The following UNC80 variants were observed in gnomAD, a reference collection of about 807,000 sequenced individuals.
UNC80 encodes unc-80 subunit of NALCN channel complex.
UNC80 carries 164 observed loss-of-function variants against 384.6 expected under a neutral mutation model. The ratio of observed to expected loss-of-function variants is 0.43; its 90% confidence interval spans 0.38 to 0.49. UNC80 has a LOEUF of 0.49. UNC80 is among the 20% of genes least tolerant of loss of function. UNC80 has a pLI of 0.00. For synonymous variants in UNC80, 1,486 were observed against 1,527.8 expected, an observed-to-expected ratio of 0.97 and a Z score of 0.64; for missense variants, 3,330 against 4,143.0, an observed-to-expected ratio of 0.80 and a Z score of 5.39.
chr2:209,865,392 G>A (rs2083660326), intron 22 of UNC80, among the ~76,000 whole-genome samples: 1 of 152,108 alleles, frequency 6.6e-6, no homozygotes, highest in African/African-American at 2.4e-5. Flanking sequence ...CGCGAGGTCA[G>A]GAGATCGAGA....
At chr2:209,939,791 G>A in intron 43 of UNC80, 139 bp downstream of exon 43, 1 of 730,928 alleles carries the variant, frequency 1.4e-6, no homozygotes, top group Non-Finnish European at 2.1e-6. Context: ...ATGTATACAT[G>A]TGCCATGTTG....
At chr2:209,943,558 G>T in intron 45 of UNC80, 44 bp downstream of exon 45, 1 of 1,547,258 alleles carries the variant, frequency 6.5e-7, no homozygotes, top group Non-Finnish European at 8.7e-7. Context: ...CCAACAAAAT[G>T]AGAAAAGCAA....
chr2:209,818,613 G>T (rs375765222), intron 11 of UNC80, among the ~76,000 whole-genome samples: 1 of 152,086 alleles, frequency 6.6e-6, no homozygotes, highest in East Asian at 1.9e-4. Flanking sequence ...CATGTTTGTT[G>T]TTCCTTAATA....
intron 35 of UNC80, among the ~76,000 whole-genome samples, chr2:209,923,997 T>C (rs1219511206): frequency 1.3e-5 from 2 of 152,054 alleles, no homozygotes; most frequent in Non-Finnish European, 2.9e-5. Context: ...ATCTTTATCT[T>C]ATAATAACTT....
At chr2:209,870,122 TAA>T (rs781646711) in intron 22 of UNC80, among the ~76,000 whole-genome samples, 1 of 152,142 alleles carries the variant, frequency 6.6e-6, no homozygotes, top group Non-Finnish European at 1.5e-5. Context: ...TGGTCCACGT[TAA>T]GTTTCAACCT....
At chr2:209,898,472 T>TA (rs971343128) in intron 28 of UNC80, among the ~76,000 whole-genome samples, 2 of 152,134 alleles carry the variant, frequency 1.3e-5, no homozygotes, top group Admixed American at 6.6e-5. Flanking sequence ...ACAGATTTTT[T>TA]AAAAAAAATT....
At chr2:209,825,457 G>A (rs754608099) in intron 13 of UNC80, among the ~76,000 whole-genome samples, 19 of 152,152 alleles carry the variant, frequency 1.2e-4, no homozygotes, top group Non-Finnish European at 2.4e-4. Flanking sequence ...AATGTCAGAA[G>A]TTGCCATGAA....
rs2124984318 is a variant in UNC80 at position 209,945,885 on chromosome 2, A to G, written c.7228A>G (p.Ser2410Gly). Reference sequence around the variant, plus strand: ...AAACGAAGATCTGACATTTTCTATCAGTGAAGCCATTAAGCTCTGTGTCAC... The same window carrying G: ...AAACGAAGATCTGACATTTTCTATCGGTGAAGCCATTAAGCTCTGTGTCAC... ...YGNEDLTFSISEAIKLCVTVV... is the reference protein window; with the variant it reads ...YGNEDLTFSIGEAIKLCVTVV... The change falls in exon 47 of 65, where the codon AGT becomes GGT. Residue 2410 changes from serine to glycine, a missense_variant. Ser to Gly is a moderately conservative substitution (Grantham distance 56). This residue lies in a region of UNC80 where 1,049 missense variants were observed against 1,488.6 expected (regional missense o/e 0.70). Coordinates refer to ENST00000673920, the MANE Select transcript of UNC80 (RefSeq NM_001371986.1). 6.4e-7 allele frequency: 1 copy of G among 1,552,022 alleles called. No individual in the cohort carries two copies. The highest frequency in any genetic ancestry group is 2.4e-5 in the East Asian group (1 of 40,916).
chr2:209,774,051 C>A (rs1381053223), intron 2 of UNC80, among the ~76,000 whole-genome samples: 1 of 152,036 alleles, frequency 6.6e-6, no homozygotes, highest in Non-Finnish European at 1.5e-5. Flanking sequence ...TATATTATAA[C>A]CTAAAAATGG....
Position 209,815,467 on chromosome 2 carries a change from A to G in UNC80, c.1335+76A>G. ...AGTGGGACATGAGATGTTTCTGATG[A>G]TACTGCAGTATGGGGTGAGGTGGGA... On this transcript the variant is annotated intron_variant, in intron 9 of 64. Transcript: ENST00000673920. The G allele has an allele frequency of 3.4e-6, 5 of 1,455,274 alleles. No individual in the cohort carries two copies. In the South Asian group the frequency reaches 6.5e-5, roughly 19 times the overall value. 90.1% of individuals were successfully genotyped at this position (1,455,274 alleles called of 1,614,324 possible).
At chr2:209,956,078 C>T (rs2092405215) in intron 48 of UNC80, among the ~76,000 whole-genome samples, 1 of 151,972 alleles carries the variant, frequency 6.6e-6, no homozygotes, top group African/African-American at 2.4e-5. Context: ...TTAAAGCTTT[C>T]CTCATTTCTA....
chr2:209,898,792 A>G (rs1463649238), intron 28 of UNC80, among the ~76,000 whole-genome samples: 1 of 152,102 alleles, frequency 6.6e-6, no homozygotes, highest in African/African-American at 2.4e-5. Context: ...TCTGGTAACC[A>G]TCTTTCTAAC....
In UNC80 at chr2:209,819,023, C is replaced by T; in HGVS notation, c.1724C>T (p.Ala575Val). Reference sequence around the variant, plus strand: ...TCTCAGATCTCCACCATCACAGTTGCGACCTTCAATACCACTTTGGCGTCA... The same window carrying T: ...TCTCAGATCTCCACCATCACAGTTGTGACCTTCAATACCACTTTGGCGTCA... ...VRSQISTITV[A>V]TFNTTLASFN... The change falls in exon 12 of 65, where the codon GCG becomes GTG. Residue 575 changes from alanine (A) to valine (V), a missense_variant. Transcript: ENST00000673920. 6.4e-7 allele frequency: 1 copy of T among 1,551,660 alleles called. No homozygotes were observed. The highest frequency in any genetic ancestry group is 8.7e-7 in the Non-Finnish European group (1 of 1,146,990).
At chr2:209,804,259 C>T (rs968063281) in intron 7 of UNC80, among the ~76,000 whole-genome samples, 5 of 152,126 alleles carry the variant, frequency 3.3e-5, no homozygotes, top group African/African-American at 1.2e-4. Flanking sequence ...GAGAGGCACT[C>T]GTCCTTATTA....
intron 49 of UNC80, among the ~76,000 whole-genome samples, chr2:209,958,282 T>C (rs2092477631): frequency 6.6e-6 from 1 of 152,200 alleles, no homozygotes; most frequent in Non-Finnish European, 1.5e-5. Context: ...GTGTTAGCTT[T>C]AAATATTCCG....
At chr2:209,964,388 T>G (rs1186616285) in intron 51 of UNC80, among the ~76,000 whole-genome samples, 2 of 152,200 alleles carry the variant, frequency 1.3e-5, no homozygotes, top group African/African-American at 2.4e-5. Flanking sequence ...GCCCTGGATT[T>G]AACTTCCAAT....
At chr2:209,809,241 A>C in intron 7 of UNC80, 1 of 706,802 alleles carries the variant, frequency 1.4e-6, no homozygotes, top group East Asian at 2.6e-5. Flanking sequence ...AGTTTCAAAA[A>C]GCCTTCAACT....
Position 209,929,887 on chromosome 2 carries a change from AC to A in UNC80, c.5824del (p.Gln1942LysfsTer7). The stretch of plus-strand genomic sequence containing the variant: ...CTTCTGAAGTGAGTGCTGTGGCTCA[AC>A]AAGTCTTATGGAACTGTCTAATTGA... ...DGVAVSAVAQ[Q>X]VLWNCLIEDP... On this transcript the variant is annotated frameshift_variant, in exon 37 of 65. Coordinates refer to ENST00000673920, the MANE Select transcript of UNC80 (RefSeq NM_001371986.1). LOFTEE classifies it high-confidence loss of function. The A allele has an allele frequency of 6.5e-7, 1 of 1,530,708 alleles. No homozygotes were observed. 94.8% of individuals were successfully genotyped at this position (1,530,708 alleles called of 1,614,324 possible).
chr2:209,838,066 C>T (rs754068809), intron 18 of UNC80, among the ~76,000 whole-genome samples: 1 of 152,246 alleles, frequency 6.6e-6, no homozygotes, highest in East Asian at 1.9e-4. Flanking sequence ...CCACTGCGCC[C>T]GGCCTTGTAC....
Sources: allele counts gnomAD v4.1 joint callset (sites outside exome capture counted in the v4.1 genomes callset), GRCh38; gene constraint gnomAD v4.1.1; regional missense constraint gnomAD v4.1.1; transcripts MANE v1.5; gene names NCBI Gene and HGNC (gene_info 2026-07-23, HGNC 2026-07-21).